The following DMD variants were observed in gnomAD, a reference collection of about 807,000 sequenced individuals.
DMD encodes mutant dystrophin.
In DMD, 63 loss-of-function variants were observed where a neutral mutation model predicts 330.1. The ratio of observed to expected loss-of-function variants is 0.19; its 90% CI spans 0.16 to 0.24. The LOEUF (loss-of-function observed/expected upper bound fraction) is 0.24. DMD is among the 10% of genes least tolerant of loss of function. The probability of loss-of-function intolerance (pLI) is 1.00; values close to 1 mark genes in which losing one functional copy is unlikely to be tolerated. For missense variants in DMD, 3,344 were observed against 2,684.1 expected (o/e 1.25, Z -5.43); for synonymous variants, 1,223 against 959.8 (o/e 1.27, Z -5.07).
chrX:31,186,128 C>T (rs1024797286), intron 67 of DMD, among the ~76,000 whole-genome samples: 1 of 111,745 alleles, frequency 8.9e-6, no homozygotes, highest in Non-Finnish European at 1.9e-5. Context: ...AGTCATTACC[C>T]CTAATTCTAA....
Position 32,205,041 on chromosome X carries a change from A to ACACACACACC in DMD, c.6438+11874_6438+11875insGGTGTGTGTG, listed in dbSNP as rs1177814403. On this transcript the variant is annotated intron_variant, in intron 44 of 78. Transcript: ENST00000357033. ...CACACACACACACACACACACACAC[A>ACACACACACC]CCCACACACACACAGTCGCAATTAA... 6.9e-3 allele frequency among the ~76,000 whole-genome samples: 510 copies of ACACACACACC among 73,536 alleles called. 4 individuals are homozygous for ACACACACACC. The highest frequency in any genetic ancestry group is 0.014 in the Middle Eastern group (2 of 141). The allele number at this position is 73,536 out of a possible 115,157, so 63.9% of individuals were successfully genotyped here. A position where few individuals can be genotyped will look rare whatever the true frequency, so the allele number is the denominator to read the frequency against.
chrX:32,501,634 C>A, intron 19 of DMD, 121 bp downstream of exon 19: 1 of 540,806 alleles, frequency 1.8e-6, no homozygotes, highest in Non-Finnish European at 3.1e-6. Flanking sequence ...AACATACAAA[C>A]ACCTTTTAAT....
chrX:32,468,749 T>C (rs754119083), intron 22 of DMD, 39 bp from the exon 23 acceptor site: 3 of 1,065,151 alleles, frequency 2.8e-6, no homozygotes, highest in Non-Finnish European at 3.9e-6. Context: ...CCCTAATTGA[T>C]GAATAATAAT....
At chrX:32,279,980 C>CCCCACATATATATATGTAA in intron 43 of DMD, among the ~76,000 whole-genome samples, 1 of 92,398 alleles carries the variant, frequency 1.1e-5, no homozygotes, top group Non-Finnish European at 2.2e-5. Flanking sequence ...TATATATGTA[C>CCCCACATATATATATGTAA]CCCACATATA....
At chrX:32,931,468 T>A (rs985054356) in intron 2 of DMD, among the ~76,000 whole-genome samples, 5 of 111,718 alleles carry the variant, frequency 4.5e-5, no homozygotes, top group Non-Finnish European at 9.4e-5. Flanking sequence ...GAAAATAGAG[T>A]AACTGTGTTA....
intron 1 of DMD, among the ~76,000 whole-genome samples, chrX:33,200,953 A>T (rs1252836858): frequency 9.7e-5 from 1 of 10,302 alleles, no homozygotes; most frequent in Admixed American, 1.5e-3. Context: ...TTTTTTTGAG[A>T]CAGAGTCTCA....
chrX:32,390,316 G>A lies in DMD; in HGVS notation c.4234-135C>T, dbSNP rs369642710. On this transcript the variant is annotated intron_variant, in intron 30 of 78. Transcript: ENST00000357033. ...TTTAAAATGACCGTAAATTGGCCAAGAGTGGTGGTTCACACCTGTAATCCT... is the reference window on the plus strand; with the variant it reads ...TTTAAAATGACCGTAAATTGGCCAAAAGTGGTGGTTCACACCTGTAATCCT... 3.7e-5 allele frequency: 19 copies of A among 517,765 alleles called. No homozygotes were observed. In the East Asian group the frequency reaches 6.3e-4, roughly 17 times the overall value. 42.7% of individuals were successfully genotyped at this position (517,765 alleles called of 1,213,427 possible).
intron 13 of DMD, among the ~76,000 whole-genome samples, chrX:32,586,377 G>A (rs764207200): frequency 9.2e-6 from 1 of 108,625 alleles, no homozygotes; most frequent in Admixed American, 9.9e-5. Context: ...TTCTAGAACA[G>A]TGTTGTTCTA....
intron 55 of DMD, among the ~76,000 whole-genome samples, chrX:31,554,784 A>C (rs1233795128): frequency 9.0e-6 from 1 of 111,678 alleles, no homozygotes; most frequent in Non-Finnish European, 1.9e-5. Context: ...GTACAAAAAG[A>C]CCTCACAAAG....
chrX:32,632,088 T>C (rs1465268720), intron 11 of DMD, among the ~76,000 whole-genome samples: 1 of 112,266 alleles, frequency 8.9e-6, no homozygotes, highest in African/African-American at 3.2e-5. Flanking sequence ...ACTTCCAAGA[T>C]ACAATGGGAT....
intron 39 of DMD, among the ~76,000 whole-genome samples, chrX:32,344,840 TGA>T (rs1466945520): frequency 9.0e-6 from 1 of 111,530 alleles, no homozygotes; most frequent in Non-Finnish European, 1.9e-5. Flanking sequence ...TGGAAGGGTG[TGA>T]GTTACATAGC....
At chrX:32,810,625 C>T (rs2077301166) in intron 6 of DMD, among the ~76,000 whole-genome samples, 1 of 112,052 alleles carries the variant, frequency 8.9e-6, no homozygotes, top group Non-Finnish European at 1.9e-5. Flanking sequence ...TCTGACTATC[C>T]TCACTGCCAT....
intron 7 of DMD, among the ~76,000 whole-genome samples, chrX:32,700,535 C>T (rs181952152): frequency 1.8e-5 from 2 of 110,691 alleles, no homozygotes; most frequent in East Asian, 2.8e-4. Flanking sequence ...AAAATTGCTG[C>T]GAGAGTAGAT....
At chrX:32,815,520 T>TACAC (rs1557051739) in intron 6 of DMD, among the ~76,000 whole-genome samples, 63 of 78,911 alleles carry the variant, frequency 8.0e-4, no homozygotes, top group Middle Eastern at 6.2e-3. Context: ...TATATATATA[T>TACAC]ACACACACAC....
intron 55 of DMD, among the ~76,000 whole-genome samples, chrX:31,528,010 T>C (rs1320559585): frequency 9.0e-6 from 1 of 111,280 alleles, no homozygotes. Context: ...TATCTTCCTT[T>C]AGTCATTAAA....
At chrX:31,383,561 C>T (rs2060292586) in intron 60 of DMD, among the ~76,000 whole-genome samples, 7 of 112,189 alleles carry the variant, frequency 6.2e-5, no homozygotes, top group Non-Finnish European at 1.9e-5. Context: ...GCCTAAAAGC[C>T]TGGAACTGTG....
chrX:32,424,707 C>T (rs918235798), intron 29 of DMD, among the ~76,000 whole-genome samples: 22 of 108,729 alleles, frequency 2.0e-4, no homozygotes, highest in African/African-American at 6.0e-4. Flanking sequence ...ATTATGGAGC[C>T]GATCCTGACA....
chrX:33,337,621 G>A (rs2054273082), intron 1 of DMD, among the ~76,000 whole-genome samples: 1 of 111,802 alleles, frequency 8.9e-6, no homozygotes, highest in African/African-American at 3.2e-5. Context: ...ATTCAACCAC[G>A]GTAATGTATG....
intron 11 of DMD, among the ~76,000 whole-genome samples, chrX:32,632,599 T>C (rs112295349): frequency 1.8e-5 from 2 of 112,008 alleles, no homozygotes; most frequent in Non-Finnish European, 3.8e-5. Context: ...TCTAGATGGA[T>C]GTTCCCAAGC....
Sources: gnomAD v4.1 joint callset for allele counts (sites outside exome capture counted in the v4.1 genomes callset) on GRCh38, gnomAD v4.1.1 for gene constraint, MANE v1.5 for transcripts, NCBI Gene and HGNC (gene_info 2026-07-23, HGNC 2026-07-21) for gene names.